The following BCAR3 variants were observed in gnomAD, a reference collection of about 807,000 sequenced individuals.
The protein encoded by BCAR3 is breast cancer anti-estrogen resistance protein 3.
BCAR3 carries 37 observed loss-of-function variants against 80.1 expected under a neutral mutation model. The observed-to-expected ratio is 0.46, with a 90% confidence interval of 0.36 to 0.61. The LOEUF (loss-of-function observed/expected upper bound fraction) is 0.61, where lower values mean the gene tolerates loss of function less well. Ranked by LOEUF, BCAR3 falls within the 20% of genes least tolerant of loss-of-function variation. The pLI, the probability that BCAR3 is intolerant of heterozygous loss-of-function variation, is 0.00. For synonymous variants in BCAR3, 389 were observed against 418.9 expected (o/e 0.93, Z 0.87); for missense variants, 978 against 1,068.2 (o/e 0.92, Z 1.18).
At chr1:93,591,441 C>T (rs1332106562) in intron 4 of BCAR3, among the ~76,000 whole-genome samples, 1 of 152,078 alleles carries the variant, frequency 6.6e-6, no homozygotes, top group Non-Finnish European at 1.5e-5. Flanking sequence ...TGCTATTGCA[C>T]TCCAGCCTGG....
chr1:93,581,472 G>A (rs933299926), intron 7 of BCAR3, among the ~76,000 whole-genome samples: 9 of 151,230 alleles, frequency 6.0e-5, no homozygotes, highest in Non-Finnish European at 1.2e-4. Flanking sequence ...GTGTGATGGT[G>A]CAATCTCAGC....
chr1:93,705,270 T>A (rs1457638148), intron 3 of BCAR3, among the ~76,000 whole-genome samples: 1 of 152,102 alleles, frequency 6.6e-6, no homozygotes, highest in Non-Finnish European at 1.5e-5. Flanking sequence ...CTGCAGTAAT[T>A]GGTCCTCCCT....
chr1:93,702,465 T>A (rs938834802), intron 3 of BCAR3, among the ~76,000 whole-genome samples: 1 of 151,302 alleles, frequency 6.6e-6, no homozygotes, highest in African/African-American at 2.4e-5. Flanking sequence ...AAGTTGAGCC[T>A]GGTTCCCAGA....
At chr1:93,747,611 C>T (rs942146409) in intron 2 of BCAR3, among the ~76,000 whole-genome samples, 10 of 151,652 alleles carry the variant, frequency 6.6e-5, no homozygotes, top group African/African-American at 2.4e-4. Flanking sequence ...ATCAAAACAG[C>T]CTCCTAGTGA....
chr1:93,716,625 G>C (rs575679473), intron 2 of BCAR3, among the ~76,000 whole-genome samples: 1 of 152,232 alleles, frequency 6.6e-6, no homozygotes, highest in African/African-American at 2.4e-5. Context: ...TAGAGGGGAC[G>C]TTGAGACAAC....
In BCAR3 at chr1:93,641,847, C is replaced by T. The variant is rs1014781114; in HGVS notation, c.357+457G>A. On this transcript the variant is annotated intron_variant, in intron 3 of 11. Transcript: ENST00000260502. ...AAATCCAAAAAACTCTGAACACTAACATTAAAAAAACCTTACTTGGCAGCA... is the reference window on the plus strand; with the variant it reads ...AAATCCAAAAAACTCTGAACACTAATATTAAAAAAACCTTACTTGGCAGCA... Among the ~76,000 whole-genome samples the T allele has an allele frequency of 2.6e-5, 4 of 152,266 alleles. No homozygotes were observed. In the East Asian group the frequency reaches 5.8e-4, roughly 22 times the overall value.
chr1:93,643,336 C>T (rs910246595), intron 2 of BCAR3, among the ~76,000 whole-genome samples: 1 of 151,040 alleles, frequency 6.6e-6, no homozygotes, highest in African/African-American at 2.4e-5. Flanking sequence ...ACAAGCATGA[C>T]CAACATGGTG....
At chr1:93,826,511 C>T (rs926982690) in intron 2 of BCAR3, among the ~76,000 whole-genome samples, 1 of 152,206 alleles carries the variant, frequency 6.6e-6, no homozygotes, top group Non-Finnish European at 1.5e-5. Flanking sequence ...CTCTCCCTTT[C>T]ACAGCTTCAT....
Position 93,824,906 on chromosome 1 carries a change from C to T in BCAR3, c.-63+20661G>A, listed in dbSNP as rs1460229688. 3.7e-5 allele frequency among the ~76,000 whole-genome samples: 5 copies of T among 133,464 alleles called. 1 individual carries two copies. The highest frequency in any genetic ancestry group is 6.7e-5 in the Non-Finnish European group (4 of 59,436). The allele number at this position is 133,464 out of a possible 152,430, so 87.6% of individuals were successfully genotyped here. On this transcript the variant is annotated intron_variant, in intron 2 of 13. Coordinates refer to the BCAR3 transcript ENST00000370244. ...GGTCTGGGGGGACCATCCCTCTCCA[C>T]GGAATATCCAAGCCATCCCAAGAAA...
chr1:93,787,054 C>T (rs757606124), intron 2 of BCAR3, among the ~76,000 whole-genome samples: 1 of 152,212 alleles, frequency 6.6e-6, no homozygotes, highest in Non-Finnish European at 1.5e-5. Flanking sequence ...GTTTAGAGAT[C>T]TATACTTCAC....
chr1:93,608,533 A>G (rs890714496), intron 3 of BCAR3, among the ~76,000 whole-genome samples: 5 of 152,212 alleles, frequency 3.3e-5, no homozygotes, highest in African/African-American at 1.2e-4. Flanking sequence ...CCCAGTGTTT[A>G]GCATGGCCCA....
chr1:93,692,401 T>A (rs1179780757), intron 3 of BCAR3, among the ~76,000 whole-genome samples: 3 of 152,084 alleles, frequency 2.0e-5, no homozygotes, highest in African/African-American at 7.2e-5. Context: ...AGTAACACAG[T>A]CAAGCATAAG....
At chr1:93,614,137 G>A (rs1037165115) in intron 3 of BCAR3, 16 of 1,350,648 alleles carry the variant, frequency 1.2e-5, no homozygotes, top group Middle Eastern at 5.5e-4. Flanking sequence ...CGATCCACTC[G>A]CTCAATTCTC....
chr1:93,689,888 A>G (rs992681961), intron 3 of BCAR3, among the ~76,000 whole-genome samples: 32 of 152,230 alleles, frequency 2.1e-4, no homozygotes, highest in African/African-American at 7.2e-4. Context: ...GACTGACAGA[A>G]AAACCTGACT....
chr1:93,829,439 A>T (rs1004397496), intron 2 of BCAR3, among the ~76,000 whole-genome samples: 3 of 152,136 alleles, frequency 2.0e-5, no homozygotes, highest in African/African-American at 7.2e-5. Context: ...GTCTGCATTT[A>T]CATATAAAAA....
chr1:93,592,382 C>T lies in BCAR3; in HGVS notation c.369G>A (p.Glu123=), dbSNP rs1674250764. 2 of 1,600,004 alleles carry T rather than the reference C, an allele frequency of 1.3e-6. No individual in the cohort carries two copies. Among genetic ancestry groups the T allele is most frequent in the African/African-American group, 2.7e-5 (2 of 74,612 alleles). ...PTVEYVKFSK[E]RHIMDRTPEK... The stretch of plus-strand genomic sequence containing the variant: ...CGGGGGTCCTGTCCATGATGTGCCT[C>T]TCCTTGGAGAACTGCAACACAGAGT... The change falls in exon 4 of 12, where the codon GAG becomes GAA. Residue 123 remains glutamate, a synonymous_variant. Coordinates refer to ENST00000260502, the MANE Select transcript of BCAR3 (RefSeq NM_003567.4). The surrounding 1 kb of genome is among the most constrained non-coding windows in gnomAD (Gnocchi z 4.8).
intron 6 of BCAR3, 140 bp from the exon 7 acceptor site, chr1:93,583,093 AGT>A (rs1673785623): frequency 7.6e-6 from 8 of 1,053,852 alleles, no homozygotes; most frequent in Non-Finnish European, 1.1e-5. Context: ...AAGAAAATTC[AGT>A]GTGACTGTCC....
At chr1:93,818,626 A>G (rs776337087) in intron 2 of BCAR3, among the ~76,000 whole-genome samples, 1 of 152,184 alleles carries the variant, frequency 6.6e-6, no homozygotes, top group East Asian at 1.9e-4. Context: ...TTAATCAAGT[A>G]TTTACTGAGG....
intron 3 of BCAR3, among the ~76,000 whole-genome samples, chr1:93,601,082 G>C (rs1570956488): frequency 6.6e-6 from 1 of 152,276 alleles, no homozygotes; most frequent in East Asian, 1.9e-4. Context: ...TATGCATAAG[G>C]AGTGGGGATA....
Sources: allele counts gnomAD v4.1 joint callset (sites outside exome capture counted in the v4.1 genomes callset), GRCh38; gene constraint gnomAD v4.1.1; non-coding constraint Gnocchi (gnomAD v3.1); transcripts MANE v1.5; gene names NCBI Gene and HGNC (gene_info 2026-07-23, HGNC 2026-07-21).